ASB7: variants seen among roughly 807,000 people sequenced by gnomAD.
ASB7 encodes ankyrin repeat and SOCS box protein 7.
Under a neutral mutation model 32.5 loss-of-function variants are expected in ASB7, and 4 were observed. The observed-to-expected ratio is 0.12, with a 90% CI of 0.06 to 0.28. The LOEUF (loss-of-function observed/expected upper bound fraction) is 0.28, where lower values mean the gene tolerates loss of function less well. Ranked by LOEUF, ASB7 falls within the 10% of genes least tolerant of loss-of-function variation. The pLI, the probability that ASB7 is intolerant of heterozygous loss-of-function variation, is 1.00. For missense variants in ASB7, 181 were observed against 407.1 expected (o/e 0.44, Z 4.78); for synonymous variants, 172 against 155.6 (o/e 1.11, Z -0.78).
chr15:100,626,897 A>C (rs2141398179), intron 4 of ASB7, among the ~76,000 whole-genome samples: 1 of 152,332 alleles, frequency 6.6e-6, no homozygotes, highest in East Asian at 1.9e-4. Flanking sequence ...AGAAATGACA[A>C]AACTTTTTTG....
At chr15:100,630,560 A>G (rs9672619) in intron 5 of ASB7, among the ~76,000 whole-genome samples, 149,725 of 152,318 alleles carry the variant, frequency 0.98, 73,655 homozygotes, top group Middle Eastern at 1. Context: ...TAGGGATACC[A>G]CTCGTGGAAG....
intron 5 of ASB7, among the ~76,000 whole-genome samples, chr15:100,633,667 A>G (rs1319692103): frequency 6.6e-6 from 1 of 151,366 alleles, no homozygotes; most frequent in Non-Finnish European, 1.5e-5. Flanking sequence ...GAAGGAAGGA[A>G]GGAGGAAGGA....
intron 4 of ASB7, among the ~76,000 whole-genome samples, chr15:100,615,140 C>T (rs1053400788): frequency 6.6e-6 from 1 of 152,132 alleles, no homozygotes. Flanking sequence ...TACGCTGTGC[C>T]GTCTAGGTTT....
At chr15:100,648,225 T>C (rs1386705350) in intron 5 of ASB7, 98 bp from the exon 6 acceptor site, 2 of 1,304,834 alleles carry the variant, frequency 1.5e-6, no homozygotes, top group East Asian at 5.1e-5. Flanking sequence ...GTCAAGTCCA[T>C]AGAGAGAACT....
intron 2 of ASB7, among the ~76,000 whole-genome samples, chr15:100,606,972 GTGAAACC>G (rs2039650490): frequency 6.6e-6 from 1 of 152,058 alleles, no homozygotes; most frequent in Non-Finnish European, 1.5e-5. Flanking sequence ...GACTAACATG[GTGAAACC>G]TCGTCTCTAC....
At position 100,648,452 on chromosome 15, in the gene ASB7, A is replaced by G. The variant is rs751732525; in HGVS notation, c.947A>G (p.Asp316Gly). ...VMKDYLKHKF[D>G]DI Reference sequence around the variant, plus strand: ...AAAGACTACTTAAAACACAAATTTGATGATATCTGATATGCCAGAACTGTG... The same window carrying G: ...AAAGACTACTTAAAACACAAATTTGGTGATATCTGATATGCCAGAACTGTG... The change falls in exon 6 of 6, where the codon GAT (aspartate) becomes GGT (glycine). Residue 316 changes from aspartate to glycine, a missense_variant. Coordinates refer to ENST00000332783, the MANE Select transcript of ASB7 (RefSeq NM_198243.3). 4.4e-6 allele frequency: 7 copies of G among 1,606,022 alleles called. No individual in the cohort carries two copies. Among genetic ancestry groups the G allele is most frequent in the Admixed American group, 1.7e-5 (1 of 59,410 alleles).
chr15:100,630,765 G>A (rs1597007737), intron 5 of ASB7, among the ~76,000 whole-genome samples: 1 of 152,162 alleles, frequency 6.6e-6, no homozygotes, highest in East Asian at 1.9e-4. Flanking sequence ...ATCAGCTTGT[G>A]TGTACTTAGC....
rs1446989569 is a variant in ASB7, at chr15:100,649,778, TG to T, written c.*1317del. On this transcript the variant is annotated 3_prime_UTR_variant, in exon 6 of 6. Transcript: ENST00000332783. ...ATGCCCTCAGAAACGTATTCTGGCT[TG>T]ATTTGTGTTATTAACTTCAGAAGAA... 1.3e-5 allele frequency: 2 copies of T among 152,224 alleles called. No homozygotes were observed. Among genetic ancestry groups the T allele is most frequent in the Non-Finnish European group, 2.9e-5 (2 of 68,042 alleles). The allele number at this position is 152,224 out of a possible 1,614,324, so 9.4% of individuals were successfully genotyped here.
At chr15:100,646,582 G>C (rs1171600632) in intron 5 of ASB7, 2 of 364,320 alleles carry the variant, frequency 5.5e-6, no homozygotes, top group African/African-American at 4.2e-5. Context: ...AGAGACAGCA[G>C]GGATTGAGAA....
intron 5 of ASB7, among the ~76,000 whole-genome samples, chr15:100,646,969 C>T (rs1597014232): frequency 6.6e-6 from 1 of 152,152 alleles, no homozygotes; most frequent in East Asian, 1.9e-4. Context: ...ATTCAGCTAT[C>T]ATCTATTAAA....
chr15:100,646,185 C>T (rs1375297336), intron 5 of ASB7: 8 of 401,664 alleles, frequency 2.0e-5, no homozygotes, highest in Non-Finnish European at 4.0e-5. Flanking sequence ...TAGAGCCACT[C>T]AATAGTAACA....
intron 4 of ASB7, among the ~76,000 whole-genome samples, chr15:100,627,580 AGT>A (rs1309285596): frequency 6.6e-6 from 1 of 152,228 alleles, no homozygotes; most frequent in Non-Finnish European, 1.5e-5. Context: ...TCCTTAGCTC[AGT>A]GTAGCTTCAA....
chr15:100,618,705 TC>T (rs2039766355), intron 4 of ASB7, among the ~76,000 whole-genome samples: 1 of 152,164 alleles, frequency 6.6e-6, no homozygotes, highest in Admixed American at 6.5e-5. Flanking sequence ...GGCCAGCTGA[TC>T]CTTTATAAAC....
chr15:100,641,083 T>G (rs117377941), intron 5 of ASB7, among the ~76,000 whole-genome samples: 1,214 of 42,086 alleles, frequency 0.029, 8 homozygotes, highest in Admixed American at 0.044. Flanking sequence ...GGGAAGTAGT[T>G]TTCTAACAGG....
chr15:100,610,762 A>T (rs1024716682), intron 3 of ASB7, among the ~76,000 whole-genome samples: 2 of 152,214 alleles, frequency 1.3e-5, no homozygotes, highest in African/African-American at 2.4e-5. Context: ...GATTATCCTG[A>T]TATGTCTAAC....
chr15:100,604,465 C>G (rs1488043970), intron 2 of ASB7, among the ~76,000 whole-genome samples: 1 of 152,238 alleles, frequency 6.6e-6, no homozygotes. Context: ...CAAGGAAGTG[C>G]TTAAAATAGC....
chr15:100,622,217 A>AAAGAAAAAAG (rs2039799868), intron 4 of ASB7, among the ~76,000 whole-genome samples: 2 of 151,996 alleles, frequency 1.3e-5, no homozygotes, highest in Admixed American at 6.6e-5. Flanking sequence ...AAAAAAGAAA[A>AAAGAAAAAAG]AAAACCCAAC....
chr15:100,642,827 A>G (rs1382600878), intron 5 of ASB7, among the ~76,000 whole-genome samples: 1 of 152,204 alleles, frequency 6.6e-6, no homozygotes, highest in African/African-American at 2.4e-5. Flanking sequence ...ACCTGATGTC[A>G]GGAGTTTGAG....
At position 100,603,040 on chromosome 15, in the gene ASB7, G is replaced by C; in HGVS notation, c.-279G>C. 1 of 399,404 alleles carries C rather than the reference G, an allele frequency of 2.5e-6. No individual in the cohort carries two copies. The highest frequency in any genetic ancestry group is 4.4e-6 in the Non-Finnish European group (1 of 226,674). 24.7% of individuals were successfully genotyped at this position (399,404 alleles called of 1,614,324 possible). On this transcript the variant is annotated 5_prime_UTR_variant, in exon 1 of 6. Transcript: ENST00000332783. ...AGGAGGAAGAGAAGCAGCAGCTGAG[G>C]AGACAGGTAAAGTCCTTTACTTCCC...
Sources: allele counts gnomAD v4.1 joint callset (sites outside exome capture counted in the v4.1 genomes callset), GRCh38; gene constraint gnomAD v4.1.1; transcripts MANE v1.5; gene names NCBI Gene and HGNC (gene_info 2026-07-23, HGNC 2026-07-21).